Variants in LRP1 observed in about 807,000 individuals in gnomAD.
LRP1 encodes the protein LDL receptor related protein 1, also known as prolow-density lipoprotein receptor-related protein 1.
Under a neutral mutation model 541.5 loss-of-function variants are expected in LRP1, and 51 were observed. That is an observed-to-expected ratio of 0.09 (90% CI 0.08 to 0.12). The LOEUF is 0.12. LRP1 is among the 10% of genes least tolerant of loss of function. The pLI is 1.00. For synonymous variants in LRP1, 2,219 were observed against 2,470.8 expected, an observed-to-expected ratio of 0.90 and a Z score of 3.02; for missense variants, 3,878 against 6,376.2, an observed-to-expected ratio of 0.61 and a Z score of 13.34.
chr12:57,166,316 A>G (rs1448504165), intron 17 of LRP1, 107 bp downstream of exon 17: 4 of 1,406,596 alleles, frequency 2.8e-6, no homozygotes, highest in African/African-American at 1.4e-5. Flanking sequence ...GCACTTTGGG[A>G]GGCCAAGGTG....
In LRP1 at chr12:57,210,755, C is replaced by T. The variant is rs1398612506; in HGVS notation, c.12792C>T (p.Gly4264=). The change falls in exon 83 of 89, where the codon GGC becomes GGT. Residue 4264 remains glycine (G), a synonymous_variant. Coordinates refer to ENST00000243077, the MANE Select transcript of LRP1 (RefSeq NM_002332.3). Reference sequence around the variant, plus strand: ...GCCGGTGCCCCACGGGCTTCACGGGCCCCAAATGCACCCAGCAGGTGTGTG... The same window carrying T: ...GCCGGTGCCCCACGGGCTTCACGGGTCCCAAATGCACCCAGCAGGTGTGTG... The part of the protein sequence containing the change: ...PTCRCPTGFT[G]PKCTQQVCAG... 5 of 1,612,038 alleles carry T rather than the reference C, an allele frequency of 3.1e-6. No individual in the cohort carries two copies. Among genetic ancestry groups the T allele is most frequent in the African/African-American group, 1.3e-5 (1 of 74,914 alleles).
At chr12:57,199,783 C>T (rs2036609708) in intron 61 of LRP1, 94 bp from the exon 62 acceptor site, 2 of 1,430,574 alleles carry the variant, frequency 1.4e-6, no homozygotes, top group South Asian at 1.4e-5. Context: ...AGGCAGGGTT[C>T]AGACCCACCC....
At chr12:57,163,689 T>C (rs149537650) in intron 15 of LRP1, among the ~76,000 whole-genome samples, 1 of 152,276 alleles carries the variant, frequency 6.6e-6, no homozygotes, top group African/African-American at 2.4e-5. Context: ...GTTAGCATTG[T>C]GGTAAAGTGA....
At chr12:57,141,240 G>C in intron 2 of LRP1, 134 bp from the exon 3 acceptor site, 1 of 921,924 alleles carries the variant, frequency 1.1e-6, no homozygotes, top group Non-Finnish European at 1.6e-6. Flanking sequence ...AGTTCCAGGT[G>C]GAAGAGTCTA....
chr12:57,149,520 T>G, intron 6 of LRP1: 3 of 629,828 alleles, frequency 4.8e-6, no homozygotes, highest in Non-Finnish European at 8.6e-6. Flanking sequence ...AAGAGAGATG[T>G]GTTTTAGAGC....
chr12:57,201,001 T>C lies in LRP1; in HGVS notation c.10226-33T>C. ...CCTCTCCCTGCCCCTGAGTCCTCCCTTCGCCACGAATCACCTCCTCCTCCC... is the reference window on the plus strand; with the variant it reads ...CCTCTCCCTGCCCCTGAGTCCTCCCCTCGCCACGAATCACCTCCTCCTCCC... On this transcript the variant is annotated intron_variant, in intron 64 of 88. Transcript: ENST00000243077. The surrounding 1 kb of genome is among the most constrained non-coding windows in gnomAD (Gnocchi z 6.4). 6.2e-7 allele frequency: 1 copy of C among 1,613,802 alleles called. No homozygotes were observed. The highest frequency in any genetic ancestry group is 8.5e-7 in the Non-Finnish European group (1 of 1,179,890).
Position 57,179,611 on chromosome 12 carries a change from T to G in LRP1, c.4966+55T>G. The G allele has an allele frequency of 6.5e-7, 1 of 1,532,010 alleles. No homozygotes were observed. The highest frequency in any genetic ancestry group is 1.1e-5 in the South Asian group (1 of 88,490). The allele number at this position is 1,532,010 out of a possible 1,614,324, so 94.9% of individuals were successfully genotyped here. ...GGACATGGGCACCTCCACCCGCCCC[T>G]TGCTCCCAACCCTGGTCTACTTGGT... On this transcript the variant is annotated intron_variant, in intron 29 of 88. Coordinates refer to ENST00000243077, the MANE Select transcript of LRP1 (RefSeq NM_002332.3). The surrounding 1 kb of genome is among the most constrained non-coding windows in gnomAD (Gnocchi z 6.8).
chr12:57,202,776 G>C (rs1163216453), intron 68 of LRP1: 14 of 591,482 alleles, frequency 2.4e-5, no homozygotes, highest in Non-Finnish European at 4.2e-5. Flanking sequence ...AGGTGTCTCT[G>C]ATGTGCCCGT....
In LRP1 at chr12:57,175,565, A is replaced by G; in HGVS notation, c.3653A>G (p.Asn1218Ser). ...CPLGMELGPD[N>S]HTCQIQSYCA... Reference sequence around the variant, plus strand: ...CTGGGCATGGAGCTGGGGCCCGACAACCACACCTGCCAGATCCAGAGCTAC... The same window carrying G: ...CTGGGCATGGAGCTGGGGCCCGACAGCCACACCTGCCAGATCCAGAGCTAC... Residue 1218 changes from asparagine to serine, a missense_variant, in exon 23 of 89, where the codon AAC (asparagine) becomes AGC (serine). By Grantham distance (46) the Asn-to-Ser change is conservative. Transcript: ENST00000243077. 1.9e-6 allele frequency: 3 copies of G among 1,614,192 alleles called. No homozygotes were observed. Among genetic ancestry groups the G allele is most frequent in the Non-Finnish European group, 2.5e-6 (3 of 1,180,014 alleles).
In LRP1 at chr12:57,179,324, C is replaced by G. The variant is rs1192635731; in HGVS notation, c.4739-5C>G. 6.2e-7 allele frequency: 1 copy of G among 1,608,512 alleles called. No homozygotes were observed. The highest frequency in any genetic ancestry group is 2.2e-5 in the East Asian group (1 of 44,830). ...TGCCTTCAGTGACCAGCCCATGCCCCACAGAGTTTAAGAAGTTCCTGCTGT... is the reference window on the plus strand; with the variant it reads ...TGCCTTCAGTGACCAGCCCATGCCCGACAGAGTTTAAGAAGTTCCTGCTGT... On this transcript the variant is annotated splice_polypyrimidine_tract_variant and splice_region_variant and intron_variant, in intron 28 of 88. Coordinates refer to ENST00000243077, the MANE Select transcript of LRP1 (RefSeq NM_002332.3). The surrounding 1 kb of genome is among the most constrained non-coding windows in gnomAD (Gnocchi z 6.8).
Position 57,203,398 on chromosome 12 carries a change from AC to A in LRP1, c.10834del (p.Arg3612AlafsTer171). 1.2e-6 allele frequency: 2 copies of A among 1,606,224 alleles called. No individual in the cohort carries two copies. The highest frequency in any genetic ancestry group is 1.7e-6 in the Non-Finnish European group (2 of 1,175,476). ...GTGCCCATGCCCACAGAAAGACTGC[AC>A]CCCCCGCTGTGACATGGACCAGTTC... is the stretch of plus-strand genomic sequence containing the variant. Reference protein sequence around the residue: ...CADGSDEKDCTPRCDMDQFQC... With the variant: ...CADGSDEKDCXPRCDMDQFQC... On this transcript the variant is annotated frameshift_variant, in exon 70 of 89. Transcript: ENST00000243077. LOFTEE classifies it high-confidence loss of function.
At position 57,187,476 on chromosome 12, in the gene LRP1, TG is replaced by T. The variant is rs1409709824; in HGVS notation, c.7031+25del. 6 of 1,605,866 alleles carry T rather than the reference TG, an allele frequency of 3.7e-6. No homozygotes were observed. In the African/African-American group the frequency reaches 5.3e-5, roughly 14 times the overall value. On this transcript the variant is annotated intron_variant, in intron 42 of 88. Transcript: ENST00000243077. ...CCAGAAGTGAGCTGCTGCCTGGGGATGGGGGTAGCAGGGAGAGGTGGGACTC... is the reference window on the plus strand; with the variant it reads ...CCAGAAGTGAGCTGCTGCCTGGGGATGGGGTAGCAGGGAGAGGTGGGACTC...
chr12:57,187,035 G>A (rs2036283193), intron 41 of LRP1, among the ~76,000 whole-genome samples: 1 of 152,230 alleles, frequency 6.6e-6, no homozygotes, highest in South Asian at 2.1e-4. Flanking sequence ...TGCCCTCAGT[G>A]GGAGAGGGTT....
At position 57,211,069 on chromosome 12, in the gene LRP1, G is replaced by A. The variant is rs1003064947; in HGVS notation, c.12917-107G>A. ...GTGCTGGCACACTTCCCCTGAGGCA[G>A]TGCACCCCCTGCACCAAGATTATGC... On this transcript the variant is annotated intron_variant, in intron 83 of 88. Coordinates refer to ENST00000243077, the MANE Select transcript of LRP1 (RefSeq NM_002332.3). The surrounding 1 kb of genome is among the most constrained non-coding windows in gnomAD (Gnocchi z 4.3). 7.0e-7 allele frequency: 1 copy of A among 1,424,290 alleles called. No individual in the cohort carries two copies. The highest frequency in any genetic ancestry group is 9.6e-7 in the Non-Finnish European group (1 of 1,038,244). The allele number at this position is 1,424,290 out of a possible 1,614,324, so 88.2% of individuals were successfully genotyped here. A position where few individuals can be genotyped will look rare whatever the true frequency, so the allele number is the denominator to read the frequency against.
chr12:57,146,349 C>G (rs2035406028), intron 6 of LRP1: 1 of 152,164 alleles, frequency 6.6e-6, no homozygotes, highest in African/African-American at 2.4e-5. Context: ...TTTAGTAAAC[C>G]AGAATTCCCA....
chr12:57,211,418 C>T lies in LRP1; in HGVS notation c.13091+68C>T. On this transcript the variant is annotated intron_variant, in intron 84 of 88. Transcript: ENST00000243077. This position sits in a 1 kb window ranked among gnomAD's most constrained non-coding sequence, Gnocchi z 4.3. ...TGCCCTGTCCTAGCCCTGCCCTGCCCCTCCCTTCCTCAGCATCCCAGGCAC... is the reference window on the plus strand; with the variant it reads ...TGCCCTGTCCTAGCCCTGCCCTGCCTCTCCCTTCCTCAGCATCCCAGGCAC... 6.2e-7 allele frequency: 1 copy of T among 1,608,904 alleles called. No homozygotes were observed. Among genetic ancestry groups the T allele is most frequent in the Non-Finnish European group, 8.5e-7 (1 of 1,177,830 alleles).
chr12:57,147,966 T>C (rs997605085), intron 6 of LRP1, among the ~76,000 whole-genome samples: 1 of 152,072 alleles, frequency 6.6e-6, no homozygotes, highest in African/African-American at 2.4e-5. Flanking sequence ...TACCTCCCCC[T>C]CCCCTCTGCC....
chr12:57,200,504 C>T lies in LRP1; in HGVS notation c.10077C>T (p.Cys3359=), dbSNP rs750934642. 5.6e-6 allele frequency: 9 copies of T among 1,613,472 alleles called. No homozygotes were observed. The African/African-American group carries it at 6.7e-5, about 12-fold the overall frequency. ...FWWKCDTEDD[C]GDHSDEPPDC... is the part of the protein sequence containing the mutation. ...GGAAGTGTGACACCGAGGACGACTG[C>T]GGGGACCACTCAGACGAGCCCCCGG... The change falls in exon 63 of 89, where the codon TGC becomes TGT. Residue 3359 remains cysteine (C), a synonymous_variant. Transcript: ENST00000243077.
Position 57,195,415 on chromosome 12 carries a change from A to G in LRP1, c.8437+16A>G, listed in dbSNP as rs1476994521. 6.2e-6 allele frequency: 10 copies of G among 1,601,300 alleles called. No homozygotes were observed. The highest frequency in any genetic ancestry group is 8.5e-6 in the Non-Finnish European group (10 of 1,178,402). On this transcript the variant is annotated intron_variant, in intron 52 of 88. Coordinates refer to ENST00000243077, the MANE Select transcript of LRP1 (RefSeq NM_002332.3). ...GCTGGTTGCTGTGAGTGGCGGGGCC[A>G]CGTGGAGCGGGTGGACAGCAAATGG...
Sources: allele counts gnomAD v4.1 joint callset (sites outside exome capture counted in the v4.1 genomes callset), GRCh38; gene constraint gnomAD v4.1.1; non-coding constraint Gnocchi (gnomAD v3.1); transcripts MANE v1.5; gene names NCBI Gene and HGNC (gene_info 2026-07-23, HGNC 2026-07-21).